Variants in PNLIPRP3 observed in about 807,000 individuals in gnomAD.
PNLIPRP3 encodes pancreatic lipase related protein 3, also known as pancreatic lipase-related protein 3.
Under a neutral mutation model 52.8 loss-of-function variants are expected in PNLIPRP3, and 58 were observed. The ratio of observed to expected loss-of-function variants is 1.10; its 90% CI spans 0.89 to 1.37. The LOEUF (loss-of-function observed/expected upper bound fraction) is 1.37, where lower values mean the gene tolerates loss of function less well. Among genes scored for constraint, PNLIPRP3 ranks in the 40% most tolerant of loss-of-function variants. The pLI, the probability that PNLIPRP3 is intolerant of heterozygous loss-of-function variation, is 0.00. For missense variants in PNLIPRP3, 593 were observed against 561.6 expected, an observed-to-expected ratio of 1.06 and a Z score of -0.57; for synonymous variants, 192 against 185.0, an observed-to-expected ratio of 1.04 and a Z score of -0.31.
At chr10:116,430,713 A>G (rs1263866107) in intron 1 of PNLIPRP3, among the ~76,000 whole-genome samples, 1 of 152,210 alleles carries the variant, frequency 6.6e-6, no homozygotes, top group Non-Finnish European at 1.5e-5. Context: ...TATTTCTCCT[A>G]CACACCACAT....
chr10:116,438,666 C>T (rs182737623), intron 2 of PNLIPRP3, among the ~76,000 whole-genome samples: 1 of 152,234 alleles, frequency 6.6e-6, no homozygotes, highest in Admixed American at 6.5e-5. Context: ...TGATTGTTTG[C>T]TGTTAAAGTG....
rs1846188606 is a variant in PNLIPRP3 at position 116,461,270 on chromosome 10, A to T, written c.788A>T (p.Asn263Ile). 1 of 1,612,842 alleles carries T rather than the reference A, an allele frequency of 6.2e-7. No homozygotes were observed. The highest frequency in any genetic ancestry group is 8.5e-7 in the Non-Finnish European group (1 of 1,178,816). The part of the protein sequence containing the change: ...EDLITPLLKF[N>I]FNAYKKEMAS... The stretch of plus-strand genomic sequence containing the variant: ...TTAATTACACCTTTACTGAAATTTA[A>T]CTTCAATGCTTACAAAAAAGGTAAA... The change falls in exon 7 of 12, where the codon AAC (asparagine) becomes ATC (isoleucine). Residue 263 changes from asparagine (N) to isoleucine (I), a missense_variant. Transcript: ENST00000369230.
At chr10:116,430,214 T>C (rs781327178) in intron 1 of PNLIPRP3, among the ~76,000 whole-genome samples, 46 of 152,086 alleles carry the variant, frequency 3.0e-4, no homozygotes, top group Admixed American at 6.5e-4. Flanking sequence ...GCTGGGAGCT[T>C]GTAAAAGGTC....
chr10:116,431,714 C>G (rs1455925419), intron 1 of PNLIPRP3, among the ~76,000 whole-genome samples: 1 of 152,076 alleles, frequency 6.6e-6, no homozygotes, highest in Non-Finnish European at 1.5e-5. Flanking sequence ...ACTATTTTTC[C>G]CCAGAGATTT....
intron 10 of PNLIPRP3, among the ~76,000 whole-genome samples, chr10:116,474,332 G>A (rs1846423868): frequency 6.6e-6 from 1 of 151,974 alleles, no homozygotes; most frequent in Non-Finnish European, 1.5e-5. Flanking sequence ...GTAAAACCCA[G>A]AACTATAAAA....
chr10:116,436,328 A>T (rs533352978), intron 1 of PNLIPRP3, among the ~76,000 whole-genome samples: 2 of 152,218 alleles, frequency 1.3e-5, no homozygotes, highest in Non-Finnish European at 2.9e-5. Flanking sequence ...CCCTTACCTT[A>T]TGCCATATAC....
Position 116,461,023 on chromosome 10 carries a change from C to G in PNLIPRP3, c.623C>G (p.Pro208Arg). The G allele has an allele frequency of 6.2e-7, 1 of 1,613,768 alleles. No homozygotes were observed. The highest frequency in any genetic ancestry group is 8.5e-7 in the Non-Finnish European group (1 of 1,180,024). The change falls in exon 6 of 12, where the codon CCC becomes CGC. Residue 208 changes from proline to arginine, a missense_variant. Coordinates refer to ENST00000369230, the MANE Select transcript of PNLIPRP3 (RefSeq NM_001011709.3). The part of the protein sequence containing the change: ...HNTPKEVRLD[P>R]SDANFVDVIH... ...ACTCCAAAGGAAGTCAGGCTAGACC[C>G]CTCGGATGCCAACTTTGTTGACGTT...
At chr10:116,459,281 T>TA (rs368186368) in intron 5 of PNLIPRP3, among the ~76,000 whole-genome samples, 3,261 of 129,222 alleles carry the variant, frequency 0.025, 49 homozygotes, top group African/African-American at 0.053. Flanking sequence ...GTCAGAAAAA[T>TA]AAAAAAAAAA....
chr10:116,476,938 A>C lies in PNLIPRP3; in HGVS notation c.1340+119A>C. The C allele has an allele frequency of 4.8e-6, 6 of 1,257,618 alleles. 1 individual carries two copies. In the South Asian group the frequency reaches 9.5e-5, roughly 20 times the overall value. The allele number at this position is 1,257,618 out of a possible 1,614,324, so 77.9% of individuals were successfully genotyped here. A position where few individuals can be genotyped will look rare whatever the true frequency, so the allele number is the denominator to read the frequency against. On this transcript the variant is annotated intron_variant, in intron 11 of 11. Transcript: ENST00000369230. ...AAATTTATAGACTTTGAAATTTTGC[A>C]ATTAAAGAAAGGGAAAAGTTAAGAA...
chr10:116,444,483 T>C lies in PNLIPRP3; in HGVS notation c.426T>C (p.Ala142=). ...TAAACAATCTCCGTGTTGTTGGTGCTGAGGTGGCTTATTTTATTGATGTTC... is the reference window on the plus strand; with the variant it reads ...TAAACAATCTCCGTGTTGTTGGTGCCGAGGTGGCTTATTTTATTGATGTTC... The part of the protein sequence containing the change: ...HAVNNLRVVG[A]EVAYFIDVLM... The change falls in exon 4 of 12, where the codon GCT becomes GCC. Residue 142 remains alanine, a synonymous_variant. Transcript: ENST00000369230. The C allele has an allele frequency of 6.2e-7, 1 of 1,613,762 alleles. No individual in the cohort carries two copies. The highest frequency in any genetic ancestry group is 1.1e-5 in the South Asian group (1 of 91,022).
At chr10:116,443,460 A>G (rs545769204) in intron 3 of PNLIPRP3, among the ~76,000 whole-genome samples, 19 of 151,736 alleles carry the variant, frequency 1.3e-4, no homozygotes, top group African/African-American at 4.6e-4. Context: ...AAGAAAAACA[A>G]TTTCCAAGTT....
At chr10:116,433,882 C>T (rs779209105) in intron 1 of PNLIPRP3, among the ~76,000 whole-genome samples, 7 of 152,146 alleles carry the variant, frequency 4.6e-5, no homozygotes, top group Non-Finnish European at 1.0e-4. Flanking sequence ...TTTTGTAAGC[C>T]AGTGAGATGT....
chr10:116,429,669 C>A (rs1845682822), intron 1 of PNLIPRP3, among the ~76,000 whole-genome samples: 1 of 152,160 alleles, frequency 6.6e-6, no homozygotes, highest in Non-Finnish European at 1.5e-5. Context: ...GATTCTCCTG[C>A]CCCAGGACAG....
chr10:116,442,264 A>C (rs916310195), intron 2 of PNLIPRP3, among the ~76,000 whole-genome samples: 1 of 152,224 alleles, frequency 6.6e-6, no homozygotes, highest in African/African-American at 2.4e-5. Context: ...CAAGAAATAC[A>C]AAAGAATATT....
chr10:116,427,992 T>G lies in PNLIPRP3; in HGVS notation c.-21T>G. 1 of 1,594,614 alleles carries G rather than the reference T, an allele frequency of 6.3e-7. No individual in the cohort carries two copies. ...AAAGATCTTCAAGAAGATTTTTATG[T>G]GATTTAAAAAATCAGCTTAGATGCT... On this transcript the variant is annotated 5_prime_UTR_variant, in exon 1 of 12. It removes the in-frame stop codon of an upstream open reading frame in the 5' UTR. Coordinates refer to ENST00000369230, the MANE Select transcript of PNLIPRP3 (RefSeq NM_001011709.3).
chr10:116,442,342 T>C lies in PNLIPRP3; in HGVS notation c.205-713T>C, dbSNP rs114387990. On this transcript the variant is annotated intron_variant, in intron 2 of 11. Coordinates refer to ENST00000369230, the MANE Select transcript of PNLIPRP3 (RefSeq NM_001011709.3). ...TCATGTGATGAGATTCTAACCTCAA[T>C]TCCTTACTCATAAAGTGGGGTGGAC... Among the ~76,000 whole-genome samples, 688 of 152,326 alleles carry C rather than the reference T, an allele frequency of 4.5e-3. 4 individuals are homozygous for C. The highest frequency in any genetic ancestry group is 0.016 in the African/African-American group (663 of 41,568).
chr10:116,475,671 A>G (rs1406706475), intron 10 of PNLIPRP3, among the ~76,000 whole-genome samples: 2 of 152,234 alleles, frequency 1.3e-5, no homozygotes, highest in Non-Finnish European at 2.9e-5. Context: ...GTAGGTGCCT[A>G]CGCTGTACCA....
At chr10:116,469,088 C>A (rs1214408309) in intron 8 of PNLIPRP3, 97 bp from the exon 9 acceptor site, 7 of 1,206,622 alleles carry the variant, frequency 5.8e-6, no homozygotes, top group Non-Finnish European at 7.8e-6. Context: ...TTATTTAGAT[C>A]CTGGAGATTT....
At chr10:116,428,159 GC>G in intron 1 of PNLIPRP3, 98 bp downstream of exon 1, 1 of 849,454 alleles carries the variant, frequency 1.2e-6, no homozygotes. Context: ...AATTACTATT[GC>G]TAATTTCATT....
Sources: allele counts gnomAD v4.1 joint callset (sites outside exome capture counted in the v4.1 genomes callset), GRCh38; gene constraint gnomAD v4.1.1; transcripts MANE v1.5; gene names NCBI Gene and HGNC (gene_info 2026-07-23, HGNC 2026-07-21).